The following KCNN2 variants were observed in gnomAD, a reference collection of about 807,000 sequenced individuals.
KCNN2 encodes the protein small conductance calcium-activated potassium channel protein 2.
A neutral mutation model predicts 55.5 loss-of-function variants in KCNN2; 24 were observed. The ratio of observed to expected loss-of-function variants is 0.43; its 90% CI spans 0.31 to 0.61. The LOEUF (loss-of-function observed/expected upper bound fraction) is 0.61, where lower values mean the gene tolerates loss of function less well. KCNN2 is among the 20% of genes least tolerant of loss of function. The pLI is 0.08. For missense variants in KCNN2, 754 were observed against 853.6 expected, an observed-to-expected ratio of 0.88 and a Z score of 1.45; for synonymous variants, 431 against 336.1, an observed-to-expected ratio of 1.28 and a Z score of -3.09.
intron 1 of KCNN2, among the ~76,000 whole-genome samples, chr5:114,170,169 T>G (rs910800689): frequency 2.6e-5 from 4 of 152,130 alleles, no homozygotes; most frequent in Non-Finnish European, 5.9e-5. Context: ...AAATTTTGGC[T>G]TGAGCTCAAC....
intron 1 of KCNN2, among the ~76,000 whole-genome samples, chr5:114,215,183 C>CAAG (rs899133837): frequency 6.6e-6 from 1 of 152,068 alleles, no homozygotes; most frequent in African/African-American, 2.4e-5. Flanking sequence ...AGGAAGCCAG[C>CAAG]AAGATAGCAG....
chr5:114,452,979 C>G (rs1012195014), intron 3 of KCNN2, among the ~76,000 whole-genome samples: 3 of 152,140 alleles, frequency 2.0e-5, no homozygotes, highest in African/African-American at 4.8e-5. Context: ...TGGAAGGAGA[C>G]CATTTATCAG....
intron 2 of KCNN2, among the ~76,000 whole-genome samples, chr5:114,295,485 G>A (rs1240102274): frequency 1.3e-5 from 2 of 152,150 alleles, no homozygotes; most frequent in Non-Finnish European, 2.9e-5. Context: ...AACTCCATGG[G>A]CATGGGACCC....
intron 2 of KCNN2, among the ~76,000 whole-genome samples, chr5:114,326,297 A>G (rs1756713229): frequency 6.6e-6 from 1 of 152,192 alleles, no homozygotes; most frequent in Non-Finnish European, 1.5e-5. Flanking sequence ...GGAACATTCC[A>G]GGTTGAGGAA....
intron 1 of KCNN2, among the ~76,000 whole-genome samples, chr5:114,132,415 G>T (rs112900843): frequency 6.6e-6 from 1 of 151,980 alleles, no homozygotes; most frequent in Non-Finnish European, 1.5e-5. Flanking sequence ...TGTTTTTGCT[G>T]GGTTTGTCGA....
At chr5:114,462,968 T>G in intron 3 of KCNN2, 81 bp from the exon 4 acceptor site, 1 of 1,311,420 alleles carries the variant, frequency 7.6e-7, no homozygotes, top group Non-Finnish European at 1.1e-6. Context: ...TACAGTAAAT[T>G]CGTTGAATTG....
At chr5:114,168,852 G>A (rs543552766) in intron 1 of KCNN2, among the ~76,000 whole-genome samples, 32 of 152,188 alleles carry the variant, frequency 2.1e-4, no homozygotes, top group Non-Finnish European at 3.7e-4. Flanking sequence ...CCCAAGGAAG[G>A]TGTTTCTCTA....
chr5:114,062,296 C>G (rs1197849184), intron 1 of KCNN2, among the ~76,000 whole-genome samples: 1 of 152,136 alleles, frequency 6.6e-6, no homozygotes, highest in African/African-American at 2.4e-5. Flanking sequence ...CAGGGCAGCG[C>G]AAAGACCTCC....
chr5:114,286,263 G>A (rs1755747628), intron 2 of KCNN2, among the ~76,000 whole-genome samples: 1 of 152,134 alleles, frequency 6.6e-6, no homozygotes, highest in South Asian at 2.1e-4. Context: ...TATATGGGAA[G>A]GGCAGGATTA....
intron 2 of KCNN2, among the ~76,000 whole-genome samples, chr5:114,399,550 T>A (rs967389476): frequency 1.3e-5 from 2 of 152,196 alleles, no homozygotes; most frequent in Non-Finnish European, 2.9e-5. Context: ...GATATTTACC[T>A]GAAGTTTTAT....
chr5:114,246,619 T>C (rs897054024), intron 2 of KCNN2, among the ~76,000 whole-genome samples: 1 of 152,154 alleles, frequency 6.6e-6, no homozygotes, highest in Non-Finnish European at 1.5e-5. Flanking sequence ...TACTGTACCT[T>C]TATTTAAGGC....
rs10658266 is a variant in KCNN2 at position 114,232,925 on chromosome 5, G to GTT, written c.-185+11372_-185+11373dup. 5.4e-4 allele frequency among the ~76,000 whole-genome samples: 41 copies of GTT among 76,280 alleles called. 7 individuals carry two copies. Among genetic ancestry groups the GTT allele is most frequent in the Non-Finnish European group, 7.6e-4 (31 of 40,822 alleles). 50.0% of individuals were successfully genotyped at this position (76,280 alleles called of 152,430 possible). On this transcript the variant is annotated intron_variant, in intron 2 of 10. Transcript: ENST00000512097. ...GAGGTAATTTTTTATATTGTTTCTTGTTTTTTTTTTTTTGAGACGGAGTCT... is the reference window on the plus strand; with the variant it reads ...GAGGTAATTTTTTATATTGTTTCTTGTTTTTTTTTTTTTTTGAGACGGAGTCT...
At chr5:114,308,790 G>C (rs1580711526) in intron 2 of KCNN2, among the ~76,000 whole-genome samples, 1 of 152,148 alleles carries the variant, frequency 6.6e-6, no homozygotes, top group Admixed American at 6.6e-5. Context: ...GGATGGATTA[G>C]GACTAAATGA....
chr5:114,139,960 A>G (rs1294440855), intron 1 of KCNN2, among the ~76,000 whole-genome samples: 6 of 152,168 alleles, frequency 3.9e-5, no homozygotes, highest in Middle Eastern at 6.8e-3. Context: ...ACAGAAATAC[A>G]TACTTCCTTT....
chr5:114,414,747 G>A (rs1404671560), intron 3 of KCNN2, among the ~76,000 whole-genome samples: 1 of 152,144 alleles, frequency 6.6e-6, no homozygotes, highest in Admixed American at 6.5e-5. Flanking sequence ...TAAAAACTTT[G>A]TGTAGAATTT....
chr5:114,332,014 C>A (rs1035494426), intron 2 of KCNN2, among the ~76,000 whole-genome samples: 6 of 152,206 alleles, frequency 3.9e-5, no homozygotes, highest in African/African-American at 1.4e-4. Flanking sequence ...AAGATAAAAA[C>A]CAAAAGGTTC....
intron 2 of KCNN2, among the ~76,000 whole-genome samples, chr5:114,282,457 T>A (rs2150013472): frequency 6.6e-6 from 1 of 152,264 alleles, no homozygotes; most frequent in Admixed American, 6.5e-5. Flanking sequence ...TTTAAGTTTT[T>A]GCTATTACTT....
At chr5:114,486,883 G>A in intron 5 of KCNN2, 167 bp from the exon 6 acceptor site, 1 of 1,136,922 alleles carries the variant, frequency 8.8e-7, no homozygotes, top group South Asian at 1.4e-5. Flanking sequence ...GCAGGTACAA[G>A]TACTTCTAAA....
At chr5:114,283,702 C>A (rs1328568177) in intron 2 of KCNN2, among the ~76,000 whole-genome samples, 1 of 152,150 alleles carries the variant, frequency 6.6e-6, no homozygotes, top group African/African-American at 2.4e-5. Flanking sequence ...GCTTGAATGA[C>A]AGGTTAGATC....
Sources: gnomAD v4.1 joint callset for allele counts (sites outside exome capture counted in the v4.1 genomes callset) on GRCh38, gnomAD v4.1.1 for gene constraint, MANE v1.5 for transcripts, NCBI Gene and HGNC (gene_info 2026-07-23, HGNC 2026-07-21) for gene names.